The following SLC16A2 variants were observed in gnomAD, a reference collection of about 807,000 sequenced individuals.
SLC16A2 encodes the protein monocarboxylate transporter 8.
A neutral mutation model predicts 27.2 loss-of-function variants in SLC16A2; 3 were observed. That is an observed-to-expected ratio of 0.11 (90% CI 0.05 to 0.28). SLC16A2 has a LOEUF of 0.28. Among genes scored for constraint, SLC16A2 ranks in the 10% least tolerant of loss-of-function variants. SLC16A2 has a pLI of 1.00. For missense variants in SLC16A2, 295 were observed against 458.5 expected (o/e 0.64, Z 3.26); for synonymous variants, 202 against 187.8 (o/e 1.08, Z -0.62).
intron 1 of SLC16A2, among the ~76,000 whole-genome samples, chrX:74,432,977 T>G (rs769459909): frequency 1.8e-5 from 2 of 112,175 alleles, no homozygotes; most frequent in Non-Finnish European, 3.8e-5. Context: ...TTATCTGGTG[T>G]GTCCCTTCAG....
intron 1 of SLC16A2, among the ~76,000 whole-genome samples, chrX:74,492,316 T>A (rs1201111653): frequency 9.0e-6 from 1 of 111,020 alleles, no homozygotes; most frequent in Non-Finnish European, 1.9e-5. Context: ...GACTTGGGTT[T>A]CACAAGAAAA....
chrX:74,489,456 A>C (rs775808754), intron 1 of SLC16A2, among the ~76,000 whole-genome samples: 1 of 112,052 alleles, frequency 8.9e-6, no homozygotes, highest in African/African-American at 3.2e-5. Context: ...AAAAATGCTA[A>C]TAATTCTTAA....
At chrX:74,483,503 A>C (rs1929663084) in intron 1 of SLC16A2, among the ~76,000 whole-genome samples, 1 of 111,068 alleles carries the variant, frequency 9.0e-6, no homozygotes. Flanking sequence ...TTGATTGCTT[A>C]CCACCAAGAT....
chrX:74,499,140 C>T (rs1214126664), intron 1 of SLC16A2, among the ~76,000 whole-genome samples: 2 of 112,281 alleles, frequency 1.8e-5, no homozygotes, highest in African/African-American at 3.2e-5. Context: ...ATCATTGCTA[C>T]ACCTGCATAG....
intron 4 of SLC16A2, among the ~76,000 whole-genome samples, chrX:74,526,920 CTG>C (rs1180622902): frequency 8.9e-6 from 1 of 112,711 alleles, no homozygotes; most frequent in Non-Finnish European, 1.9e-5. Flanking sequence ...CATGACACCC[CTG>C]TGAGTCTTCC....
At chrX:74,488,650 G>T (rs1001147020) in intron 1 of SLC16A2, among the ~76,000 whole-genome samples, 2 of 110,642 alleles carry the variant, frequency 1.8e-5, no homozygotes, top group African/African-American at 6.5e-5. Context: ...ATTACGACTT[G>T]CATAGACTAT....
In SLC16A2 at chrX:74,531,441, G is replaced by A. The variant is rs1930567784; in HGVS notation, c.1508G>A (p.Arg503Lys). 1.7e-6 allele frequency: 2 copies of A among 1,211,105 alleles called. No homozygotes were observed. The highest frequency in any genetic ancestry group is 2.2e-6 in the Non-Finnish European group (2 of 894,828). The stretch of plus-strand genomic sequence containing the variant: ...TTCTTCGTCCCTCTGATGCATCAAA[G>A]GATGTTCAAGAAAGAGCAGAGAGAT... ...ILFFVPLMHQRMFKKEQRDSS... is the reference protein window; with the variant it reads ...ILFFVPLMHQKMFKKEQRDSS... Residue 503 changes from arginine (R) to lysine (K), a missense_variant, in exon 6 of 6, where the codon AGG (arginine) becomes AAG (lysine). Arg to Lys is a conservative substitution (Grantham distance 26, BLOSUM62 2). This residue lies in a region of SLC16A2 where 144 missense variants were observed against 219.8 expected (regional missense o/e 0.66). Transcript: ENST00000587091.
At chrX:74,490,178 G>C (rs984694940) in intron 1 of SLC16A2, among the ~76,000 whole-genome samples, 4 of 110,749 alleles carry the variant, frequency 3.6e-5, no homozygotes, top group African/African-American at 1.3e-4. Context: ...AGAGAACTTA[G>C]GAACTTTAGA....
At chrX:74,494,647 A>T (rs754462727) in intron 1 of SLC16A2, among the ~76,000 whole-genome samples, 1 of 111,280 alleles carries the variant, frequency 9.0e-6, no homozygotes, top group African/African-American at 3.3e-5. Flanking sequence ...AATTACAAGG[A>T]ACTAGGATTG....
rs1236267256 is a variant in SLC16A2, at chrX:74,428,258, G to A, written c.430+6191G>A. Among the ~76,000 whole-genome samples the A allele has an allele frequency of 6.3e-5, 7 of 110,819 alleles. No homozygotes were observed. The East Asian group carries it at 1.1e-3, about 18-fold the overall frequency. ...GTGCTATGGTAGATAATGTGAAATCGCTTGACACCTCCTTGTGGATGGGGA... is the reference window on the plus strand; with the variant it reads ...GTGCTATGGTAGATAATGTGAAATCACTTGACACCTCCTTGTGGATGGGGA... On this transcript the variant is annotated intron_variant, in intron 1 of 5. Coordinates refer to ENST00000587091, the MANE Select transcript of SLC16A2 (RefSeq NM_006517.5).
intron 1 of SLC16A2, among the ~76,000 whole-genome samples, chrX:74,461,948 C>A (rs1481005585): frequency 6.3e-5 from 7 of 111,407 alleles, no homozygotes; most frequent in Non-Finnish European, 1.1e-4. Flanking sequence ...CTGTCCCCTG[C>A]TGTGGCCACC....
chrX:74,487,185 G>T (rs1364666181), intron 1 of SLC16A2, among the ~76,000 whole-genome samples: 1 of 110,817 alleles, frequency 9.0e-6, no homozygotes, highest in Non-Finnish European at 1.9e-5. Context: ...GACCCATTGA[G>T]GGACAACAAA....
chrX:74,479,074 A>G (rs892197673), intron 1 of SLC16A2, among the ~76,000 whole-genome samples: 1 of 111,988 alleles, frequency 8.9e-6, no homozygotes, highest in African/African-American at 3.3e-5. Context: ...TATCCGGCAG[A>G]GTGTTTTCCA....
intron 1 of SLC16A2, among the ~76,000 whole-genome samples, chrX:74,435,539 A>ATATATATGCATATATATATGTG (rs1227431566): frequency 4.9e-4 from 35 of 70,855 alleles, no homozygotes; most frequent in South Asian, 8.0e-4. Context: ...ATATATATGT[A>ATATATATGCATATATATATGTG]TATATATATA....
chrX:74,428,424 C>T (rs1353267490), intron 1 of SLC16A2, among the ~76,000 whole-genome samples: 2 of 111,665 alleles, frequency 1.8e-5, no homozygotes, highest in Non-Finnish European at 3.8e-5. Flanking sequence ...CATATTTTCT[C>T]AGCTTCTCCT....
intron 1 of SLC16A2, among the ~76,000 whole-genome samples, chrX:74,443,610 G>A (rs772260708): frequency 2.7e-5 from 3 of 112,299 alleles, no homozygotes. Flanking sequence ...CTGGGTTCTA[G>A]GCCTGGGCCC....
intron 1 of SLC16A2, among the ~76,000 whole-genome samples, chrX:74,490,544 G>A (rs190721204): frequency 9.0e-6 from 1 of 110,784 alleles, no homozygotes; most frequent in East Asian, 2.9e-4. Flanking sequence ...AAATCGTGGA[G>A]TGACCAGCTC....
intron 1 of SLC16A2, among the ~76,000 whole-genome samples, chrX:74,518,210 A>G (rs755736701): frequency 8.9e-6 from 1 of 112,613 alleles, no homozygotes; most frequent in East Asian, 2.8e-4. Flanking sequence ...ACTGTTTTCC[A>G]AAGTGAGTAC....
In SLC16A2 at chrX:74,421,869, G is replaced by A; in HGVS notation, c.232G>A (p.Glu78Lys). 8.3e-7 allele frequency: 1 copy of A among 1,208,808 alleles called. No homozygotes were observed. The highest frequency in any genetic ancestry group is 1.8e-5 in the South Asian group (1 of 56,508). The change falls in exon 1 of 6, where the codon GAG becomes AAG. Residue 78 changes from glutamate (E) to lysine (K), a missense_variant. Transcript: ENST00000587091. ...CGAGTCCGAGCGGGTGCACGAACCC[G>A]AGCCCACGCCTACGGTAGAGACCCG... ...EFESERVHEP[E>K]PTPTVETRGT...
Sources: gnomAD v4.1 joint callset for allele counts (sites outside exome capture counted in the v4.1 genomes callset) on GRCh38, gnomAD v4.1.1 for gene constraint, gnomAD v4.1.1 regional missense constraint, MANE v1.5 for transcripts, NCBI Gene and HGNC (gene_info 2026-07-23, HGNC 2026-07-21) for gene names.